PPP2R3A: variants seen among roughly 807,000 people sequenced by gnomAD.
PPP2R3A encodes protein phosphatase 2 regulatory subunit B''alpha.
PPP2R3A carries 80 observed loss-of-function variants against 106.9 expected under a neutral mutation model. That is an observed-to-expected ratio of 0.75 (90% confidence interval 0.62 to 0.90). PPP2R3A has a LOEUF of 0.90. Among genes scored for constraint, PPP2R3A ranks in the 40% least tolerant of loss-of-function variants. PPP2R3A has a pLI of 0.00. For missense variants in PPP2R3A, 1,386 were observed against 1,350.4 expected (o/e 1.03, Z -0.41); for synonymous variants, 483 against 468.3 (o/e 1.03, Z -0.41).
At chr3:136,103,183 A>G in intron 11 of PPP2R3A, 75 bp from the exon 12 acceptor site, 1 of 804,614 alleles carries the variant, frequency 1.2e-6, no homozygotes, top group East Asian at 2.6e-5. Context: ...ATACTTTTAG[A>G]TGTCAGGGAA....
rs200024034 is a variant in PPP2R3A at position 136,106,208 on chromosome 3, C to CCAAT, written c.3223-5_3223-2dup. 0.019 allele frequency: 30,429 copies of CCAAT among 1,601,926 alleles called. 362 individuals carry two copies. Among genetic ancestry groups the CCAAT allele is most frequent in the Non-Finnish European group, 0.023 (26,941 of 1,176,090 alleles). On this transcript the variant is annotated splice_region_variant and splice_polypyrimidine_tract_variant and intron_variant, in intron 12 of 13. Coordinates refer to ENST00000264977, the MANE Select transcript of PPP2R3A (RefSeq NM_002718.5). ...TTTATTTCTCGTGGCTGTCTTCTTT[C>CCAAT]CAATCAGGATGTTGAGAACGATGGG...
chr3:135,981,043 G>A (rs1937533622), intron 1 of PPP2R3A, among the ~76,000 whole-genome samples: 1 of 151,920 alleles, frequency 6.6e-6, no homozygotes, highest in African/African-American at 2.4e-5. Context: ...GTCCTAAAAT[G>A]TTTGGATAAC....
chr3:136,041,939 C>T (rs1240070789), intron 4 of PPP2R3A, among the ~76,000 whole-genome samples: 1 of 152,018 alleles, frequency 6.6e-6, no homozygotes, highest in African/African-American at 2.4e-5. Context: ...CAGCTTGCCC[C>T]TTCTGCCTCT....
At chr3:136,074,504 C>T (rs1179317123) in intron 6 of PPP2R3A, among the ~76,000 whole-genome samples, 2 of 152,200 alleles carry the variant, frequency 1.3e-5, no homozygotes, top group African/African-American at 4.8e-5. Context: ...TGCAGTTTTG[C>T]ATGCTGTGCA....
intron 12 of PPP2R3A, 27 bp downstream of exon 12, chr3:136,103,403 T>G (rs80252385): frequency 2.7e-6 from 4 of 1,501,150 alleles, no homozygotes; most frequent in Non-Finnish European, 3.7e-6. Flanking sequence ...AACTTTTATT[T>G]GAGGGCTGCA....
chr3:136,056,497 G>A (rs1390067310), intron 5 of PPP2R3A, among the ~76,000 whole-genome samples: 1 of 150,606 alleles, frequency 6.6e-6, no homozygotes, highest in African/African-American at 2.4e-5. Flanking sequence ...AAAAAAACCA[G>A]TTATTTTAAA....
chr3:136,041,214 T>C (rs1935257444), intron 4 of PPP2R3A, among the ~76,000 whole-genome samples: 1 of 151,540 alleles, frequency 6.6e-6, no homozygotes, highest in Admixed American at 6.6e-5. Context: ...TTTGATAGTT[T>C]ATTAGTTTTA....
chr3:136,044,057 T>C (rs1576457977), intron 4 of PPP2R3A, among the ~76,000 whole-genome samples: 1 of 152,228 alleles, frequency 6.6e-6, no homozygotes, highest in East Asian at 1.9e-4. Context: ...TATATATAAG[T>C]AGTTCTTTTG....
chr3:135,986,539 G>C (rs1303270189), intron 1 of PPP2R3A, among the ~76,000 whole-genome samples: 1 of 151,736 alleles, frequency 6.6e-6, no homozygotes, highest in Non-Finnish European at 1.5e-5. Context: ...TTTTCTGTCA[G>C]TTTCATCTCC....
chr3:136,013,180 G>GTATGTA (rs1553743235), intron 2 of PPP2R3A, among the ~76,000 whole-genome samples: 14 of 142,168 alleles, frequency 9.8e-5, no homozygotes, highest in East Asian at 2.1e-4. Context: ...GTGTGTGTGT[G>GTATGTA]TGTATGTATG....
intron 1 of PPP2R3A, among the ~76,000 whole-genome samples, chr3:135,988,866 A>G (rs1036602705): frequency 1.2e-4 from 19 of 152,186 alleles, no homozygotes; most frequent in Non-Finnish European, 2.4e-4. Flanking sequence ...AATTCCATCA[A>G]TGATGCTACA....
intron 2 of PPP2R3A, among the ~76,000 whole-genome samples, chr3:136,019,001 C>T (rs1255098572): frequency 6.6e-6 from 1 of 152,302 alleles, no homozygotes; most frequent in Middle Eastern, 3.4e-3. Context: ...CCAGCCACCC[C>T]CACAGCAGAG....
chr3:136,107,225 C>T (rs1218629042), intron 13 of PPP2R3A, among the ~76,000 whole-genome samples: 2 of 151,256 alleles, frequency 1.3e-5, no homozygotes, highest in African/African-American at 2.5e-5. Context: ...CTGTAAAGGC[C>T]TCAATTAATC....
At chr3:135,993,339 G>T (rs1270656559) in intron 1 of PPP2R3A, among the ~76,000 whole-genome samples, 1 of 152,130 alleles carries the variant, frequency 6.6e-6, no homozygotes, top group African/African-American at 2.4e-5. Flanking sequence ...GCAGGGAAAT[G>T]CAAATTAAAG....
intron 13 of PPP2R3A, among the ~76,000 whole-genome samples, chr3:136,108,623 T>C (rs1040909553): frequency 2.0e-5 from 3 of 151,728 alleles, no homozygotes; most frequent in African/African-American, 7.2e-5. Context: ...GAAATACTGA[T>C]AATGAATAGT....
At chr3:135,998,251 T>C (rs1334298613) in intron 1 of PPP2R3A, among the ~76,000 whole-genome samples, 4 of 152,236 alleles carry the variant, frequency 2.6e-5, no homozygotes, top group Non-Finnish European at 5.9e-5. Flanking sequence ...GTAGCTCTCA[T>C]TGATCCTTCA....
In PPP2R3A at chr3:136,102,118, T is replaced by G; in HGVS notation, c.3039T>G (p.Ile1013Met). The change falls in exon 11 of 14, where the codon ATT becomes ATG. Residue 1013 changes from isoleucine (I) to methionine (M), a missense_variant. Transcript: ENST00000264977. ...GTGAACGGATGGAAGCCATGGGAAT[T>G]GAGCCCTTGCCATTCCATGATTTAC... ...EQCERMEAMGIEPLPFHDLLC... is the reference protein window; with the variant it reads ...EQCERMEAMGMEPLPFHDLLC... 6.2e-7 allele frequency: 1 copy of G among 1,613,902 alleles called. No homozygotes were observed. The highest frequency in any genetic ancestry group is 8.5e-7 in the Non-Finnish European group (1 of 1,180,008).
chr3:135,989,700 A>G (rs1484395478), intron 1 of PPP2R3A, among the ~76,000 whole-genome samples: 2 of 152,056 alleles, frequency 1.3e-5, no homozygotes, highest in Admixed American at 6.6e-5. Flanking sequence ...TCCTTTCTGT[A>G]CCTTACTTAC....
chr3:135,988,191 T>C (rs1229213375), intron 1 of PPP2R3A, among the ~76,000 whole-genome samples: 1 of 151,980 alleles, frequency 6.6e-6, no homozygotes, highest in Non-Finnish European at 1.5e-5. Flanking sequence ...ACAAATCTTT[T>C]CTTTCTGCAG....
Sources: allele counts gnomAD v4.1 joint callset (sites outside exome capture counted in the v4.1 genomes callset), GRCh38; gene constraint gnomAD v4.1.1; transcripts MANE v1.5; gene names NCBI Gene and HGNC (gene_info 2026-07-23, HGNC 2026-07-21).